MEI4: variants seen among roughly 807,000 people sequenced by gnomAD.
MEI4 encodes the protein meiosis-specific protein MEI4.
A neutral mutation model predicts 31.4 loss-of-function variants in MEI4; 27 were observed. The ratio of observed to expected loss-of-function variants is 0.86; its 90% CI spans 0.63 to 1.19. The LOEUF is 1.19. MEI4 is among the 50% of genes most tolerant of loss of function. The pLI, the probability that MEI4 is intolerant of heterozygous loss-of-function variation, is 0.00. For missense variants in MEI4, 329 were observed against 398.9 expected, an observed-to-expected ratio of 0.82 and a Z score of 1.49; for synonymous variants, 122 against 145.4, an observed-to-expected ratio of 0.84 and a Z score of 1.16.
At chr6:77,837,176 T>C (rs995885016) in intron 4 of MEI4, among the ~76,000 whole-genome samples, 6 of 152,148 alleles carry the variant, frequency 3.9e-5, no homozygotes, top group Admixed American at 6.5e-5. Context: ...TTGCCACTTA[T>C]AGGCTAGAAC....
intron 1 of MEI4, among the ~76,000 whole-genome samples, chr6:77,680,087 C>G (rs1413656992): frequency 9.6e-6 from 1 of 103,668 alleles, no homozygotes; most frequent in Non-Finnish European, 1.9e-5. Context: ...CTGGCTAACA[C>G]GGTGAAACCC....
intron 2 of MEI4, among the ~76,000 whole-genome samples, chr6:77,744,549 G>A (rs1295475239): frequency 6.6e-6 from 1 of 152,096 alleles, no homozygotes; most frequent in African/African-American, 2.4e-5. Context: ...CACTTTTCAG[G>A]ATATTATCCA....
chr6:77,722,184 C>A (rs1436408584), intron 2 of MEI4, among the ~76,000 whole-genome samples: 1 of 148,206 alleles, frequency 6.7e-6, no homozygotes, highest in African/African-American at 2.5e-5. Context: ...GAGGGCAACC[C>A]GGGTTGGAGA....
chr6:77,663,457 C>T (rs1388475460), intron 1 of MEI4, among the ~76,000 whole-genome samples: 12 of 151,740 alleles, frequency 7.9e-5, no homozygotes, highest in Non-Finnish European at 1.0e-4. Flanking sequence ...GGAAGAAGGG[C>T]GGCAATGAGA....
chr6:77,844,798 A>G (rs1440405331), intron 4 of MEI4, among the ~76,000 whole-genome samples: 1 of 152,128 alleles, frequency 6.6e-6, no homozygotes, highest in East Asian at 1.9e-4. Flanking sequence ...TAGAAAAGGA[A>G]AAGAGTCCAA....
At chr6:77,745,860 C>T (rs1767585092) in intron 2 of MEI4, among the ~76,000 whole-genome samples, 1 of 152,170 alleles carries the variant, frequency 6.6e-6, no homozygotes, top group Non-Finnish European at 1.5e-5. Context: ...CAACATGCTC[C>T]TGAATGACTA....
intron 2 of MEI4, among the ~76,000 whole-genome samples, chr6:77,760,233 CACAT>C (rs1415643621): frequency 6.6e-6 from 1 of 150,758 alleles, no homozygotes; most frequent in African/African-American, 2.4e-5. Flanking sequence ...TATATATACA[CACAT>C]ATATATACAC....
chr6:77,680,819 T>C (rs1056338054), intron 1 of MEI4, among the ~76,000 whole-genome samples: 1 of 152,184 alleles, frequency 6.6e-6, no homozygotes, highest in Non-Finnish European at 1.5e-5. Flanking sequence ...TGTCTGAAAT[T>C]TGTGGTGTTC....
At position 77,926,343 on chromosome 6, in the gene MEI4, C is replaced by T. The variant is rs1462216349; in HGVS notation, c.*2997C>T. ...GGTTGTAGCATCTTGCTACTCAAGA[C>T]TGTAGCCAAGTTACAGATTGTCTTC... On this transcript the variant is annotated 3_prime_UTR_variant, in exon 5 of 5. Transcript: ENST00000684080. The T allele has an allele frequency of 1.3e-5, 2 of 151,934 alleles. No individual in the cohort carries two copies. The highest frequency in any genetic ancestry group is 2.9e-5 in the Non-Finnish European group (2 of 67,942). 9.4% of individuals were successfully genotyped at this position (151,934 alleles called of 1,614,324 possible).
In MEI4 at chr6:77,890,280, G is replaced by T. The variant is rs761370930; in HGVS notation, c.901-32809G>T. Reference sequence around the variant, plus strand: ...CCTGCAAAGCCACAGGGGCAGAGCTGCCCAAGGCCATGGGAGCCCACCTCT... The same window carrying T: ...CCTGCAAAGCCACAGGGGCAGAGCTTCCCAAGGCCATGGGAGCCCACCTCT... On this transcript the variant is annotated intron_variant, in intron 4 of 4. Transcript: ENST00000684080. Among the ~76,000 whole-genome samples, 56 of 152,354 alleles carry T rather than the reference G, an allele frequency of 3.7e-4. No homozygotes were observed. The Middle Eastern group carries it at 0.01, about 28-fold the overall frequency.
At chr6:77,706,622 A>G (rs1201506128) in intron 2 of MEI4, among the ~76,000 whole-genome samples, 1 of 152,102 alleles carries the variant, frequency 6.6e-6, no homozygotes, top group Non-Finnish European at 1.5e-5. Flanking sequence ...GTGATCTTCA[A>G]TGTTGGAGGT....
In MEI4 at chr6:77,820,246, T is replaced by C. The variant is rs184456348; in HGVS notation, c.769-8685T>C. ...AGAGACTCCTGGGACTGGTTTTTTTTTGTTTTTGTTTTTGTTTTTGGAGAT... is the reference window on the plus strand; with the variant it reads ...AGAGACTCCTGGGACTGGTTTTTTTCTGTTTTTGTTTTTGTTTTTGGAGAT... On this transcript the variant is annotated intron_variant, in intron 3 of 4. Coordinates refer to ENST00000684080, the MANE Select transcript of MEI4 (RefSeq NM_001322247.2). This position sits in a 1 kb window ranked among gnomAD's most constrained non-coding sequence, Gnocchi z 4.5. Among the ~76,000 whole-genome samples the C allele has an allele frequency of 1.4e-3, 217 of 152,176 alleles. No individual in the cohort carries two copies. Among genetic ancestry groups the C allele is most frequent in the Admixed American group, 2.2e-3 (34 of 15,268 alleles).
chr6:77,741,917 G>A (rs544250956), intron 2 of MEI4, among the ~76,000 whole-genome samples: 79 of 151,556 alleles, frequency 5.2e-4, no homozygotes, highest in Non-Finnish European at 9.0e-4. Context: ...ATGATCTCCA[G>A]TTTCATCCAT....
chr6:77,695,598 G>T (rs1462969750), intron 2 of MEI4, among the ~76,000 whole-genome samples: 2 of 152,024 alleles, frequency 1.3e-5, no homozygotes, highest in Admixed American at 6.6e-5. Flanking sequence ...ATTTTTGAGG[G>T]CTCTGTTCTG....
intron 4 of MEI4, among the ~76,000 whole-genome samples, chr6:77,868,641 TAGA>T (rs1316157988): frequency 1.3e-5 from 2 of 150,772 alleles, no homozygotes. Flanking sequence ...GTTTTTAGAG[TAGA>T]AGAAGTCTAG....
chr6:77,859,665 C>A (rs558458456), intron 4 of MEI4, among the ~76,000 whole-genome samples: 1 of 152,222 alleles, frequency 6.6e-6, no homozygotes, highest in South Asian at 2.1e-4. Flanking sequence ...TAAATGTCTC[C>A]TTTTGAGAAG....
intron 1 of MEI4, among the ~76,000 whole-genome samples, chr6:77,665,953 T>C (rs1768622959): frequency 6.6e-6 from 1 of 152,202 alleles, no homozygotes; most frequent in Non-Finnish European, 1.5e-5. Flanking sequence ...GGACAGGGGA[T>C]TGATTTCCCA....
intron 2 of MEI4, among the ~76,000 whole-genome samples, chr6:77,735,109 G>A (rs1348180438): frequency 6.6e-6 from 1 of 151,916 alleles, no homozygotes. Flanking sequence ...ACAATTATGT[G>A]TCTTGGAGTT....
chr6:77,884,105 C>G (rs1246460916), intron 4 of MEI4, among the ~76,000 whole-genome samples: 3 of 152,012 alleles, frequency 2.0e-5, no homozygotes, highest in South Asian at 2.1e-4. Flanking sequence ...TCCCTTATGA[C>G]TAATGATGTT....
Sources: allele counts gnomAD v4.1 joint callset (sites outside exome capture counted in the v4.1 genomes callset), GRCh38; gene constraint gnomAD v4.1.1; non-coding constraint Gnocchi (gnomAD v3.1); transcripts MANE v1.5; gene names NCBI Gene and HGNC (gene_info 2026-07-23, HGNC 2026-07-21).